NEGR1: variants seen among roughly 807,000 people sequenced by gnomAD.
NEGR1 encodes neuronal growth regulator 1.
A neutral mutation model predicts 40.9 loss-of-function variants in NEGR1; 10 were observed. That is an observed-to-expected ratio of 0.24 (90% CI 0.15 to 0.42). The LOEUF (loss-of-function observed/expected upper bound fraction) is 0.42. Ranked by LOEUF, NEGR1 falls within the 10% of genes least tolerant of loss-of-function variation. The pLI is 1.00. For synonymous variants in NEGR1, 185 were observed against 166.8 expected (o/e 1.11, Z -0.84); for missense variants, 352 against 438.9 (o/e 0.80, Z 1.77).
chr1:71,545,152 C>T (rs996217298), intron 6 of NEGR1, among the ~76,000 whole-genome samples: 1 of 151,592 alleles, frequency 6.6e-6, no homozygotes, highest in Non-Finnish European at 1.5e-5. Context: ...CAAAGAAGCC[C>T]TTCATCTAGT....
intron 6 of NEGR1, among the ~76,000 whole-genome samples, chr1:71,426,936 A>G (rs1646432741): frequency 6.6e-6 from 1 of 152,212 alleles, no homozygotes; most frequent in South Asian, 2.1e-4. Context: ...CATATCAAAG[A>G]AATGCCAGTA....
intron 1 of NEGR1, among the ~76,000 whole-genome samples, chr1:71,964,550 C>A (rs944392373): frequency 6.6e-6 from 1 of 152,128 alleles, no homozygotes; most frequent in African/African-American, 2.4e-5. Flanking sequence ...CTCAGCCATT[C>A]GAGTCACATC....
At chr1:72,276,997 G>A (rs1656072253) in intron 1 of NEGR1, among the ~76,000 whole-genome samples, 1 of 152,078 alleles carries the variant, frequency 6.6e-6, no homozygotes, top group Admixed American at 6.6e-5. Flanking sequence ...AGAAACACAG[G>A]AGCTAGTTAT....
At chr1:72,231,449 T>C (rs781217272) in intron 1 of NEGR1, among the ~76,000 whole-genome samples, 1 of 152,176 alleles carries the variant, frequency 6.6e-6, no homozygotes, top group Non-Finnish European at 1.5e-5. Context: ...CATATTTACA[T>C]GGGGACAATG....
intron 1 of NEGR1, among the ~76,000 whole-genome samples, chr1:71,975,240 G>A (rs1416842871): frequency 6.6e-6 from 1 of 152,104 alleles, no homozygotes; most frequent in Non-Finnish European, 1.5e-5. Context: ...GGTGGGGGAG[G>A]CAGGTGGGGC....
Position 71,402,399 on chromosome 1 carries a change from G to A in NEGR1, c.*5047C>T, listed in dbSNP as rs1488664313. The A allele has an allele frequency of 6.6e-6, 1 of 152,180 alleles. No individual in the cohort carries two copies. The highest frequency in any genetic ancestry group is 2.4e-5 in the African/African-American group (1 of 41,454). 9.4% of individuals were successfully genotyped at this position (152,180 alleles called of 1,614,324 possible). A position where few individuals can be genotyped will look rare whatever the true frequency, so the allele number is the denominator to read the frequency against. ...AATGAAGCATGTTTCTTAGACTGAA[G>A]GAAAGCCCTGGGAGAGATTGGTCTA... On this transcript the variant is annotated 3_prime_UTR_variant, in exon 7 of 7. Coordinates refer to ENST00000357731, the MANE Select transcript of NEGR1 (RefSeq NM_173808.3).
intron 2 of NEGR1, among the ~76,000 whole-genome samples, chr1:71,860,137 T>C (rs1400181263): frequency 6.6e-6 from 1 of 151,698 alleles, no homozygotes; most frequent in East Asian, 1.9e-4. Flanking sequence ...AAGAAGCTCA[T>C]AGCTTTATGG....
chr1:71,801,388 G>T (rs1657550705), intron 2 of NEGR1, among the ~76,000 whole-genome samples: 1 of 152,150 alleles, frequency 6.6e-6, no homozygotes, highest in Non-Finnish European at 1.5e-5. Context: ...TGTAGACACA[G>T]ATCTCCCTCA....
At chr1:71,977,259 G>A (rs1256390979) in intron 1 of NEGR1, among the ~76,000 whole-genome samples, 1 of 152,122 alleles carries the variant, frequency 6.6e-6, no homozygotes, top group Non-Finnish European at 1.5e-5. Flanking sequence ...CAGGGAGGTG[G>A]AGGTTGCAGT....
chr1:72,057,438 G>A (rs1013338384), intron 1 of NEGR1, among the ~76,000 whole-genome samples: 2 of 151,310 alleles, frequency 1.3e-5, no homozygotes, highest in African/African-American at 4.8e-5. Context: ...TTTAGGTCAT[G>A]GTGACAACTA....
At chr1:71,916,767 C>G (rs1000408890) in intron 2 of NEGR1, among the ~76,000 whole-genome samples, 4 of 152,130 alleles carry the variant, frequency 2.6e-5, no homozygotes, top group East Asian at 3.9e-4. Context: ...AAAGACAAAA[C>G]AAAACAAAAC....
In NEGR1 at chr1:71,883,134, G is replaced by A. The variant is rs191074487; in HGVS notation, c.409+51945C>T. Among the ~76,000 whole-genome samples the A allele has an allele frequency of 6.2e-4, 94 of 152,088 alleles. 1 individual carries two copies. The highest frequency in any genetic ancestry group is 6.8e-3 in the Middle Eastern group (2 of 294). ...TCTTCTAACAAAGCATTGCTTCAAC[G>A]ATTGTAAATTATACACATTAGCTTG... is the stretch of plus-strand genomic sequence containing the variant. On this transcript the variant is annotated intron_variant, in intron 2 of 6. Transcript: ENST00000357731.
At chr1:71,411,519 T>G (rs1646321016) in intron 6 of NEGR1, among the ~76,000 whole-genome samples, 1 of 152,184 alleles carries the variant, frequency 6.6e-6, no homozygotes. Context: ...CCTTTCAATA[T>G]CATGCTGCTA....
At position 71,597,432 on chromosome 1, in the gene NEGR1, G is replaced by GTCTCTCTCTCTCTCTCTC. The variant is rs1158039041; in HGVS notation, c.789-4482_789-4465dup. Among the ~76,000 whole-genome samples, 26 of 60,738 alleles carry GTCTCTCTCTCTCTCTCTC rather than the reference G, an allele frequency of 4.3e-4. 1 individual carries two copies. The highest frequency in any genetic ancestry group is 1.6e-3 in the African/African-American group (24 of 15,226). 39.8% of individuals were successfully genotyped at this position (60,738 alleles called of 152,430 possible). The stretch of plus-strand genomic sequence containing the variant: ...TTTATTTATATATATATATATATAT[G>GTCTCTCTCTCTCTCTCTC]TCTCTCTCTCTCTCTCTCTCTCTCT... On this transcript the variant is annotated intron_variant, in intron 5 of 6. Transcript: ENST00000357731.
At chr1:72,264,740 T>G (rs1356932586) in intron 1 of NEGR1, among the ~76,000 whole-genome samples, 1 of 150,834 alleles carries the variant, frequency 6.6e-6, no homozygotes, top group Non-Finnish European at 1.5e-5. Flanking sequence ...ATACAGCCCC[T>G]ACTAACTCGT....
intron 6 of NEGR1, among the ~76,000 whole-genome samples, chr1:71,436,072 G>A (rs1348284573): frequency 6.6e-6 from 1 of 152,156 alleles, no homozygotes; most frequent in African/African-American, 2.4e-5. Context: ...TTTCACCACT[G>A]AAGATGCTAT....
At chr1:72,074,245 C>T (rs1024623925) in intron 1 of NEGR1, among the ~76,000 whole-genome samples, 1 of 152,016 alleles carries the variant, frequency 6.6e-6, no homozygotes, top group African/African-American at 2.4e-5. Flanking sequence ...GTATGAATGA[C>T]TATGTTGATA....
At chr1:71,826,156 T>C (rs1658615429) in intron 2 of NEGR1, among the ~76,000 whole-genome samples, 1 of 151,908 alleles carries the variant, frequency 6.6e-6, no homozygotes, top group South Asian at 2.1e-4. Context: ...GTTTGGATTT[T>C]AGTTTCTGGA....
At chr1:72,204,558 C>T (rs1242190682) in intron 1 of NEGR1, among the ~76,000 whole-genome samples, 2 of 152,204 alleles carry the variant, frequency 1.3e-5, no homozygotes, top group East Asian at 1.9e-4. Context: ...GTGCTTTGCT[C>T]TCATTCACAG....
Sources: allele counts gnomAD v4.1 joint callset (sites outside exome capture counted in the v4.1 genomes callset), GRCh38; gene constraint gnomAD v4.1.1; transcripts MANE v1.5; gene names NCBI Gene and HGNC (gene_info 2026-07-23, HGNC 2026-07-21).